The following LRRC8B variants were observed in gnomAD, a reference collection of about 807,000 sequenced individuals.
The protein encoded by LRRC8B is leucine rich repeat containing 8 VRAC subunit B.
A neutral mutation model predicts 58.8 loss-of-function variants in LRRC8B; 23 were observed. That is an observed-to-expected ratio of 0.39 (90% CI 0.28 to 0.55). The LOEUF is 0.55. Among genes scored for constraint, LRRC8B ranks in the 20% least tolerant of loss-of-function variants. The pLI is 0.62. For synonymous variants in LRRC8B, 359 were observed against 374.1 expected, an observed-to-expected ratio of 0.96 and a Z score of 0.47; for missense variants, 694 against 936.0, an observed-to-expected ratio of 0.74 and a Z score of 3.37.
intron 1 of LRRC8B, among the ~76,000 whole-genome samples, chr1:89,553,983 C>T (rs1259401383): frequency 6.6e-6 from 1 of 152,102 alleles, no homozygotes; most frequent in Non-Finnish European, 1.5e-5. Flanking sequence ...GCCTAAATTC[C>T]TCTCTCCTTG....
intron 1 of LRRC8B, among the ~76,000 whole-genome samples, chr1:89,558,425 G>A (rs1652352793): frequency 6.6e-6 from 1 of 152,130 alleles, no homozygotes; most frequent in Non-Finnish European, 1.5e-5. Flanking sequence ...AAGTCAAGAG[G>A]TGACATGTTT....
At chr1:89,539,237 G>C (rs1406966927) in intron 1 of LRRC8B, among the ~76,000 whole-genome samples, 2 of 152,012 alleles carry the variant, frequency 1.3e-5, no homozygotes, top group Non-Finnish European at 2.9e-5. Context: ...TCAGTGAAAG[G>C]CCCTTTCCCC....
chr1:89,529,719 T>C (rs1397953500), intron 1 of LRRC8B, among the ~76,000 whole-genome samples: 2 of 152,226 alleles, frequency 1.3e-5, no homozygotes, highest in Non-Finnish European at 2.9e-5. Flanking sequence ...AAATTTTTTC[T>C]ATATATTTTG....
chr1:89,562,720 T>G (rs971585578), intron 1 of LRRC8B, among the ~76,000 whole-genome samples: 3 of 152,310 alleles, frequency 2.0e-5, no homozygotes, highest in Non-Finnish European at 4.4e-5. Flanking sequence ...TCTTCCCATC[T>G]TGAGCTCCTA....
At chr1:89,576,705 T>C (rs922457299) in intron 3 of LRRC8B, among the ~76,000 whole-genome samples, 2 of 152,196 alleles carry the variant, frequency 1.3e-5, no homozygotes, top group African/African-American at 2.4e-5. Flanking sequence ...AGAGAACCAC[T>C]ATTAGAAAAA....
At chr1:89,542,668 TCA>T (rs1651102312) in intron 1 of LRRC8B, among the ~76,000 whole-genome samples, 1 of 152,242 alleles carries the variant, frequency 6.6e-6, no homozygotes, top group African/African-American at 2.4e-5. Context: ...TTTAGATAAG[TCA>T]CATAACTGTC....
At chr1:89,528,256 C>T (rs374608133) in intron 1 of LRRC8B, among the ~76,000 whole-genome samples, 2 of 152,172 alleles carry the variant, frequency 1.3e-5, no homozygotes, top group Admixed American at 6.5e-5. Context: ...ATTTCTCTTC[C>T]GTATCCAGCT....
At chr1:89,592,698 G>GA in intron 5 of LRRC8B, 73 bp from the exon 6 acceptor site, 4 of 1,126,784 alleles carry the variant, frequency 3.5e-6, no homozygotes, top group Non-Finnish European at 5.0e-6. Context: ...TTTTTTTTTG[G>GA]AAAAAAGGTA....
intron 1 of LRRC8B, among the ~76,000 whole-genome samples, chr1:89,532,587 A>C (rs1209420382): frequency 1.3e-5 from 2 of 152,180 alleles, no homozygotes; most frequent in African/African-American, 4.8e-5. Flanking sequence ...CTGGGCACTC[A>C]TTCTGTCTCC....
At chr1:89,575,864 C>CT in intron 3 of LRRC8B, among the ~76,000 whole-genome samples, 2 of 152,142 alleles carry the variant, frequency 1.3e-5, no homozygotes, top group Non-Finnish European at 2.9e-5. Context: ...TTTCCCTTGA[C>CT]TATTTTATTC....
chr1:89,543,748 G>A (rs1651195653), intron 1 of LRRC8B, among the ~76,000 whole-genome samples: 1 of 151,616 alleles, frequency 6.6e-6, no homozygotes, highest in Admixed American at 6.6e-5. Flanking sequence ...CACCCACCTT[G>A]GCCTCCCAAA....
chr1:89,579,513 G>A (rs188590269), intron 3 of LRRC8B, 78 bp from the exon 4 acceptor site: 1 of 152,724 alleles, frequency 6.5e-6, no homozygotes, highest in Admixed American at 6.5e-5. Flanking sequence ...ATGACTGAGA[G>A]GGCTTCTGGA....
intron 5 of LRRC8B, among the ~76,000 whole-genome samples, chr1:89,590,397 G>C (rs1408396185): frequency 1.3e-5 from 2 of 152,210 alleles, no homozygotes; most frequent in African/African-American, 2.4e-5. Context: ...AAAATTGAAT[G>C]AGAGTAGGTG....
At chr1:89,582,129 T>C (rs1654268915) in intron 4 of LRRC8B, among the ~76,000 whole-genome samples, 1 of 151,660 alleles carries the variant, frequency 6.6e-6, no homozygotes, top group South Asian at 2.1e-4. Context: ...TGGTGACTCA[T>C]AGCTGTAATT....
In LRRC8B at chr1:89,582,793, C is replaced by T. The variant is rs200172622; in HGVS notation, c.143C>T (p.Thr48Met). 24 of 1,614,178 alleles carry T rather than the reference C, an allele frequency of 1.5e-5. No individual in the cohort carries two copies. The highest frequency in any genetic ancestry group is 9.3e-5 in the African/African-American group (7 of 75,050). ...VAVLAGALQLTQSRVLCCLPC... is the reference protein window; with the variant it reads ...VAVLAGALQLMQSRVLCCLPC... ...GTGCTGGCCGGAGCTCTCCAGCTGA[C>T]GCAGAGCAGGGTTCTGTGCTGTCTT... The change falls in exon 5 of 6, where the codon ACG (threonine) becomes ATG (methionine). Residue 48 changes from threonine (T) to methionine (M), a missense_variant. Physicochemically the swap from Thr to Met is moderately conservative, Grantham distance 81. This residue lies in a region of LRRC8B where 316 missense variants were observed against 403.8 expected (regional missense o/e 0.78). Coordinates refer to ENST00000330947, the MANE Select transcript of LRRC8B (RefSeq NM_001369817.2).
intron 1 of LRRC8B, among the ~76,000 whole-genome samples, chr1:89,549,037 C>G (rs1248462651): frequency 1.3e-5 from 2 of 152,126 alleles, no homozygotes; most frequent in Non-Finnish European, 2.9e-5. Context: ...CACTCAAAAA[C>G]TATTTACTGA....
chr1:89,595,355 T>C lies in LRRC8B; in HGVS notation c.*2312T>C, dbSNP rs1655230885. The C allele has an allele frequency of 6.6e-6, 1 of 152,130 alleles. No individual in the cohort carries two copies. Among genetic ancestry groups the C allele is most frequent in the South Asian group, 2.1e-4 (1 of 4,826 alleles). The allele number at this position is 152,130 out of a possible 1,614,324, so 9.4% of individuals were successfully genotyped here. ...CATGTATACTGATTCCAGTGTGGCA[T>C]GTGATTAAGTTTTGGACATGAATAT... On this transcript the variant is annotated 3_prime_UTR_variant, in exon 6 of 6. Coordinates refer to ENST00000330947, the MANE Select transcript of LRRC8B (RefSeq NM_001369817.2).
At chr1:89,534,092 G>A (rs1191225287) in intron 1 of LRRC8B, among the ~76,000 whole-genome samples, 3 of 152,154 alleles carry the variant, frequency 2.0e-5, no homozygotes, top group Non-Finnish European at 2.9e-5. Context: ...AAAATTTTAC[G>A]TGGTTAACAC....
At chr1:89,546,129 C>G (rs890790495) in intron 1 of LRRC8B, among the ~76,000 whole-genome samples, 1 of 151,996 alleles carries the variant, frequency 6.6e-6, no homozygotes, top group Non-Finnish European at 1.5e-5. Flanking sequence ...GCTAGCCTAT[C>G]AGAATAGAGA....
Sources: gnomAD v4.1 joint callset for allele counts (sites outside exome capture counted in the v4.1 genomes callset) on GRCh38, gnomAD v4.1.1 for gene constraint, gnomAD v4.1.1 regional missense constraint, MANE v1.5 for transcripts, NCBI Gene and HGNC (gene_info 2026-07-23, HGNC 2026-07-21) for gene names.